The following WDFY3 variants were observed in gnomAD, a reference collection of about 807,000 sequenced individuals.
WDFY3 encodes WD repeat and FYVE domain-containing protein 3.
A neutral mutation model predicts 409.6 loss-of-function variants in WDFY3; 66 were observed. The observed-to-expected ratio is 0.16, with a 90% CI of 0.13 to 0.20. The LOEUF (loss-of-function observed/expected upper bound fraction) is 0.20, where lower values mean the gene tolerates loss of function less well. WDFY3 is among the 10% of genes least tolerant of loss of function. The pLI, the probability that WDFY3 is intolerant of heterozygous loss-of-function variation, is 1.00. For synonymous variants in WDFY3, 1,521 were observed against 1,537.1 expected (o/e 0.99, Z 0.25); for missense variants, 3,031 against 4,298.1 (o/e 0.71, Z 8.24).
intron 13 of WDFY3, among the ~76,000 whole-genome samples, chr4:84,814,940 C>G (rs973581430): frequency 2.6e-4 from 39 of 152,062 alleles, no homozygotes; most frequent in African/African-American, 8.9e-4. Context: ...AAATGGAGTT[C>G]TAAGCCACCT....
At chr4:84,789,984 T>G in intron 21 of WDFY3, 77 bp from the exon 22 acceptor site, 1 of 1,443,742 alleles carries the variant, frequency 6.9e-7, no homozygotes, top group East Asian at 2.3e-5. Flanking sequence ...TAGATCAGCA[T>G]GTTTTGACTT....
At position 84,734,707 on chromosome 4, in the gene WDFY3, G is replaced by A. The variant is rs376620858; in HGVS notation, c.6993+336C>T. ...GGATGCGTATTTTCACAATCTCCTT[G>A]TTAAAAGCCTGAAAAAGAAGGCTCA... On this transcript the variant is annotated intron_variant, in intron 43 of 67. Coordinates refer to ENST00000295888, the MANE Select transcript of WDFY3 (RefSeq NM_014991.6). Among the ~76,000 whole-genome samples, 28 of 152,092 alleles carry A rather than the reference G, an allele frequency of 1.8e-4. 1 individual carries two copies. Among genetic ancestry groups the A allele is most frequent in the African/African-American group, 6.3e-4 (26 of 41,418 alleles).
At chr4:84,946,039 A>G (rs1484446685) in intron 1 of WDFY3, among the ~76,000 whole-genome samples, 2 of 152,230 alleles carry the variant, frequency 1.3e-5, no homozygotes, top group African/African-American at 4.8e-5. Context: ...ACTTGGGGGA[A>G]TCTCATATTC....
intron 53 of WDFY3, among the ~76,000 whole-genome samples, chr4:84,707,953 T>C (rs1392685055): frequency 2.0e-5 from 3 of 152,194 alleles, no homozygotes; most frequent in Non-Finnish European, 4.4e-5. Flanking sequence ...TGTTGATGTC[T>C]AAAATTTCTG....
intron 64 of WDFY3, among the ~76,000 whole-genome samples, 176 bp downstream of exon 64, chr4:84,682,198 A>G (rs908476961): frequency 1.3e-5 from 2 of 152,224 alleles, no homozygotes; most frequent in African/African-American, 4.8e-5. Flanking sequence ...TGCCCAGTGA[A>G]GTAGAGAAAA....
In WDFY3 at chr4:84,672,880, A is replaced by T; in HGVS notation, c.10569T>A (p.Pro3523=). ...GCTTGTTGAATCTTCAACAATTTCG[A>T]GGCCCATCTTCTGAACCTCTCTCAT... ...LQHERGSEDG[P]RNC Residue 3523 remains proline, a synonymous_variant, in exon 68 of 68, where the codon CCT becomes CCA. Transcript: ENST00000295888. 1.2e-6 allele frequency: 2 copies of T among 1,614,056 alleles called. No homozygotes were observed. The highest frequency in any genetic ancestry group is 8.5e-7 in the Non-Finnish European group (1 of 1,179,952).
At chr4:84,831,186 A>T (rs1001956618) in intron 8 of WDFY3, among the ~76,000 whole-genome samples, 5 of 40,586 alleles carry the variant, frequency 1.2e-4, no homozygotes, top group African/African-American at 2.1e-4. Context: ...GACTCCATCC[A>T]AAAAAAAAAA....
intron 21 of WDFY3, among the ~76,000 whole-genome samples, chr4:84,792,271 T>C (rs1031964860): frequency 6.6e-6 from 1 of 152,192 alleles, no homozygotes; most frequent in East Asian, 1.9e-4. Context: ...TGAGGTGACT[T>C]GATATAGGAA....
At chr4:84,821,039 T>C in intron 11 of WDFY3, 45 bp downstream of exon 11, 1 of 1,496,434 alleles carries the variant, frequency 6.7e-7, no homozygotes. Flanking sequence ...TTCTCTGTTT[T>C]GAACCCCTTT....
At chr4:84,925,840 G>A (rs1390657913) in intron 2 of WDFY3, among the ~76,000 whole-genome samples, 1 of 151,892 alleles carries the variant, frequency 6.6e-6, no homozygotes, top group African/African-American at 2.4e-5. Context: ...TCTCTAAAAT[G>A]TACATATTCC....
In WDFY3 at chr4:84,942,753, A is replaced by C. The variant is rs374735687; in HGVS notation, c.-225-10390T>G. On this transcript the variant is annotated intron_variant, in intron 1 of 67. Transcript: ENST00000295888. ...TCAAATTATTTGTTCATTTTTCGAC[A>C]GGGTTCTTTGTCTTCTTATTATTGA... 9.2e-5 allele frequency among the ~76,000 whole-genome samples: 14 copies of C among 152,332 alleles called. No homozygotes were observed. The South Asian group carries it at 2.7e-3, about 29-fold the overall frequency.
chr4:84,694,836 C>G (rs1729832574), intron 58 of WDFY3, among the ~76,000 whole-genome samples: 1 of 152,076 alleles, frequency 6.6e-6, no homozygotes, highest in Admixed American at 6.5e-5. Flanking sequence ...GCTAGGGGAT[C>G]AGACTGCATT....
intron 2 of WDFY3, among the ~76,000 whole-genome samples, chr4:84,902,631 C>T (rs960370364): frequency 1.3e-5 from 2 of 152,318 alleles, no homozygotes; most frequent in East Asian, 1.9e-4. Flanking sequence ...ACAAAAAGTA[C>T]ATCCCAAAGT....
At chr4:84,789,160 G>A (rs992740780) in intron 22 of WDFY3, among the ~76,000 whole-genome samples, 1 of 152,138 alleles carries the variant, frequency 6.6e-6, no homozygotes, top group Non-Finnish European at 1.5e-5. Flanking sequence ...GAAAAAGGGA[G>A]TTTCACTTGT....
chr4:84,742,431 G>C (rs550409102), intron 37 of WDFY3, among the ~76,000 whole-genome samples: 1 of 152,174 alleles, frequency 6.6e-6, no homozygotes, highest in South Asian at 2.1e-4. Context: ...ATTACCATCA[G>C]CTCTCTCTCT....
chr4:84,778,490 C>T lies in WDFY3; in HGVS notation c.4518+13G>A. ...CATTGATTATATATTATCAATTATG[C>T]TTATATACATACTTCAAAATCACAG... On this transcript the variant is annotated intron_variant, in intron 27 of 67. Transcript: ENST00000295888. The T allele has an allele frequency of 6.3e-7, 1 of 1,578,208 alleles. No homozygotes were observed. The highest frequency in any genetic ancestry group is 8.6e-7 in the Non-Finnish European group (1 of 1,166,146).
chr4:84,718,572 T>C lies in WDFY3; in HGVS notation c.7606-2A>G, dbSNP rs1414075581. On this transcript the variant is annotated splice_acceptor_variant, in intron 47 of 67. Transcript: ENST00000295888. LOFTEE classifies it high-confidence loss of function. ...AGCACAGCGGTACATGTGTTGGATC[T>C]ATAAAGAAGCCCACAAACATTCATT... 1 of 1,603,670 alleles carries C rather than the reference T, an allele frequency of 6.2e-7. No homozygotes were observed. The highest frequency in any genetic ancestry group is 8.5e-7 in the Non-Finnish European group (1 of 1,176,736).
At chr4:84,814,347 T>A (rs919187025) in intron 13 of WDFY3, among the ~76,000 whole-genome samples, 25 of 152,310 alleles carry the variant, frequency 1.6e-4, no homozygotes, top group Admixed American at 1.2e-3. Flanking sequence ...TGTCATCATT[T>A]CTCTAAAAAT....
rs190162479 is a variant in WDFY3, at chr4:84,723,894, G to A, written c.7441+532C>T. Among the ~76,000 whole-genome samples, 962 of 152,240 alleles carry A rather than the reference G, an allele frequency of 6.3e-3. 41 individuals carry two copies. The highest frequency in any genetic ancestry group is 0.059 in the Admixed American group (896 of 15,282). On this transcript the variant is annotated intron_variant, in intron 46 of 67. Transcript: ENST00000295888. Reference sequence around the variant, plus strand: ...CACCACATGTAAAAGTACAGAATCCGAAAGTCTATGGACATTGTAGTCCAA... The same window carrying A: ...CACCACATGTAAAAGTACAGAATCCAAAAGTCTATGGACATTGTAGTCCAA...
Sources: allele counts gnomAD v4.1 joint callset (sites outside exome capture counted in the v4.1 genomes callset), GRCh38; gene constraint gnomAD v4.1.1; transcripts MANE v1.5; gene names NCBI Gene and HGNC (gene_info 2026-07-23, HGNC 2026-07-21).